CRYBG3: variants seen among roughly 807,000 people sequenced by gnomAD.
CRYBG3 encodes the protein crystallin beta-gamma domain containing 3, also known as very large A-kinase anchor protein.
A neutral mutation model predicts 244.2 loss-of-function variants in CRYBG3; 127 were observed. The ratio of observed to expected loss-of-function variants is 0.52; its 90% confidence interval spans 0.45 to 0.60. The LOEUF (loss-of-function observed/expected upper bound fraction) is 0.60. CRYBG3 is among the 20% of genes least tolerant of loss of function. CRYBG3 has a pLI of 0.00. For synonymous variants in CRYBG3, 1,132 were observed against 1,195.8 expected (o/e 0.95, Z 1.10); for missense variants, 3,325 against 3,442.5 (o/e 0.97, Z 0.85).
chr3:97,916,714 A>G (rs969991212), intron 17 of CRYBG3, among the ~76,000 whole-genome samples: 5 of 152,130 alleles, frequency 3.3e-5, no homozygotes, highest in African/African-American at 4.8e-5. Context: ...ATGTAGTCCT[A>G]TTTCACAAGG....
At chr3:97,881,240 T>A (rs1390220486) in intron 7 of CRYBG3, 21 bp downstream of exon 7, 4 of 1,527,550 alleles carry the variant, frequency 2.6e-6, no homozygotes, top group Admixed American at 2.0e-5. Context: ...TAGATTTTTC[T>A]ATTTTTTATT....
intron 16 of CRYBG3, among the ~76,000 whole-genome samples, chr3:97,912,627 A>G (rs1281110833): frequency 2.0e-5 from 3 of 152,164 alleles, no homozygotes; most frequent in African/African-American, 4.8e-5. Flanking sequence ...AGACATATTA[A>G]TCCTAATTTT....
At chr3:97,932,649 G>C (rs901720029) in intron 17 of CRYBG3, among the ~76,000 whole-genome samples, 1 of 152,042 alleles carries the variant, frequency 6.6e-6, no homozygotes, top group Admixed American at 6.6e-5. Flanking sequence ...GAAGCTTCAA[G>C]AACTTTCCAC....
intron 16 of CRYBG3, among the ~76,000 whole-genome samples, chr3:97,914,264 TAC>T (rs531839099): frequency 6.6e-6 from 1 of 151,896 alleles, no homozygotes; most frequent in African/African-American, 2.4e-5. Context: ...TAATAAGAAA[TAC>T]ACACACACAC....
At chr3:97,924,510 A>G in intron 17 of CRYBG3, 9 of 382,706 alleles carry the variant, frequency 2.4e-5, no homozygotes, top group South Asian at 1.8e-4. Context: ...GCAGTTCCAC[A>G]AGTCAGAAGT....
At chr3:97,871,669 A>G (rs2039303908) in intron 3 of CRYBG3, among the ~76,000 whole-genome samples, 173 bp from the exon 4 acceptor site, 1 of 152,196 alleles carries the variant, frequency 6.6e-6, no homozygotes. Context: ...TACTTGTTAA[A>G]TTTTTATTAT....
chr3:97,875,141 C>A lies in CRYBG3; in HGVS notation c.3947C>A (p.Ala1316Asp). ...RELVNEIIYV[A>D]QEKLRNDTFE... ...TTAGTCAATGAGATTATTTATGTAGCCCAAGAAAAATTGAGAAATGATACT... is the reference window on the plus strand; with the variant it reads ...TTAGTCAATGAGATTATTTATGTAGACCAAGAAAAATTGAGAAATGATACT... The change falls in exon 4 of 22, where the codon GCC (alanine) becomes GAC (aspartate). Residue 1316 changes from alanine to aspartate, a missense_variant. Around this residue, in one of 4 missense-constraint regions of CRYBG3, gnomAD observed 635 missense variants for 771.7 expected, o/e 0.82. Transcript: ENST00000389622. 6.5e-7 allele frequency: 1 copy of A among 1,534,950 alleles called. No individual in the cohort carries two copies. The highest frequency in any genetic ancestry group is 8.7e-7 in the Non-Finnish European group (1 of 1,146,158).
intron 3 of CRYBG3, among the ~76,000 whole-genome samples, chr3:97,866,052 A>G (rs2039226498): frequency 1.3e-5 from 2 of 152,346 alleles, no homozygotes; most frequent in African/African-American, 4.8e-5. Context: ...TCTTTCAAAT[A>G]AAAGAAGTCT....
At chr3:97,850,382 T>TTC (rs2038967847) in intron 2 of CRYBG3, among the ~76,000 whole-genome samples, 1 of 152,218 alleles carries the variant, frequency 6.6e-6, no homozygotes, top group Admixed American at 6.5e-5. Context: ...CTACATATCT[T>TTC]TATCAAAAAT....
chr3:97,841,282 A>G, intron 1 of CRYBG3, among the ~76,000 whole-genome samples: 1 of 144,928 alleles, frequency 6.9e-6, no homozygotes, highest in East Asian at 2.0e-4. Flanking sequence ...ATGTACATAT[A>G]GGTGCGTACA....
In CRYBG3 at chr3:97,942,317, C is replaced by G. The variant is rs375411614; in HGVS notation, c.8698C>G (p.Arg2900Gly). 25 of 1,610,478 alleles carry G rather than the reference C, an allele frequency of 1.6e-5. No individual in the cohort carries two copies. In the African/African-American group the frequency reaches 3.2e-4, roughly 21 times the overall value. ...TACATGTCTTGATGTGATTGGTGGC[C>G]GGGACACACCTGGAGCTAAAGTAGC... is the stretch of plus-strand genomic sequence containing the variant. ...SDTCLDVIGG[R>G]DTPGAKVALW... Residue 2900 changes from arginine (R) to glycine (G), a missense_variant, in exon 21 of 22, where the codon CGG becomes GGG. Around this residue, in one of 4 missense-constraint regions of CRYBG3, gnomAD observed 714 missense variants for 803.6 expected, o/e 0.89. Transcript: ENST00000389622.
At chr3:97,890,183 A>G (rs1387285072) in intron 10 of CRYBG3, among the ~76,000 whole-genome samples, 1 of 152,204 alleles carries the variant, frequency 6.6e-6, no homozygotes, top group African/African-American at 2.4e-5. Flanking sequence ...TGTATCTAAT[A>G]TACTTTGACT....
chr3:97,822,387 C>T lies in CRYBG3; in HGVS notation c.149+32C>T. Reference sequence around the variant, plus strand: ...GTCGAGGAGGGGGTCGCGGGGGGGCCCTGCACATATTCGCGGGATGAAGGC... The same window carrying T: ...GTCGAGGAGGGGGTCGCGGGGGGGCTCTGCACATATTCGCGGGATGAAGGC... On this transcript the variant is annotated intron_variant, in intron 1 of 21. Coordinates refer to ENST00000389622, the MANE Select transcript of CRYBG3 (RefSeq NM_153605.4). 2.8e-6 allele frequency: 4 copies of T among 1,445,668 alleles called. No individual in the cohort carries two copies. In the South Asian group the frequency reaches 5.4e-5, roughly 20 times the overall value. 89.6% of individuals were successfully genotyped at this position (1,445,668 alleles called of 1,614,324 possible).
intron 1 of CRYBG3, among the ~76,000 whole-genome samples, chr3:97,836,123 C>A (rs1400084415): frequency 6.6e-6 from 1 of 151,998 alleles, no homozygotes; most frequent in African/African-American, 2.4e-5. Flanking sequence ...AAGGTAGATA[C>A]ATAAATTATA....
chr3:97,866,346 A>G (rs1341316953), intron 3 of CRYBG3, among the ~76,000 whole-genome samples: 1 of 152,210 alleles, frequency 6.6e-6, no homozygotes, highest in Non-Finnish European at 1.5e-5. Flanking sequence ...AGGAACATAT[A>G]TTTGGAAACC....
At chr3:97,880,935 C>G in intron 6 of CRYBG3, 137 bp from the exon 7 acceptor site, 2 of 568,848 alleles carry the variant, frequency 3.5e-6, no homozygotes, top group Non-Finnish European at 5.8e-6. Flanking sequence ...ATCATTGTTT[C>G]AAAAAATAGG....
At position 97,873,265 on chromosome 3, in the gene CRYBG3, G is replaced by A. The variant is rs964993085; in HGVS notation, c.2071G>A (p.Val691Ile). Residue 691 changes from valine (V) to isoleucine (I), a missense_variant, in exon 4 of 22, where the codon GTT becomes ATT. Val to Ile is a conservative substitution (Grantham distance 29). Coordinates refer to ENST00000389622, the MANE Select transcript of CRYBG3 (RefSeq NM_153605.4). ...CATTGAAACTGGGAATGTCAACATTGTTGGTATTTCCTATCAGCCTAGGAA... is the reference window on the plus strand; with the variant it reads ...CATTGAAACTGGGAATGTCAACATTATTGGTATTTCCTATCAGCCTAGGAA... ...VPIETGNVNIVGISYQPRKCK... is the reference protein window; with the variant it reads ...VPIETGNVNIIGISYQPRKCK... 6 of 1,535,220 alleles carry A rather than the reference G, an allele frequency of 3.9e-6. No individual in the cohort carries two copies. Among genetic ancestry groups the A allele is most frequent in the Admixed American group, 3.9e-5 (2 of 50,876 alleles).
chr3:97,830,990 A>G (rs1269526392), intron 1 of CRYBG3, among the ~76,000 whole-genome samples: 1 of 152,162 alleles, frequency 6.6e-6, no homozygotes. Context: ...AAATGTTATA[A>G]TTTGGGGATG....
At chr3:97,884,593 T>C (rs2039486568) in intron 7 of CRYBG3, among the ~76,000 whole-genome samples, 1 of 152,186 alleles carries the variant, frequency 6.6e-6, no homozygotes, top group Admixed American at 6.5e-5. Context: ...GGAAGCCATA[T>C]AAACTTAAAT....
Sources: allele counts gnomAD v4.1 joint callset (sites outside exome capture counted in the v4.1 genomes callset), GRCh38; gene constraint gnomAD v4.1.1; regional missense constraint gnomAD v4.1.1; transcripts MANE v1.5; gene names NCBI Gene and HGNC (gene_info 2026-07-23, HGNC 2026-07-21).